The following HDGFL3 variants were observed in gnomAD, a reference collection of about 807,000 sequenced individuals.
HDGFL3 encodes HDGF like 3, also known as hepatoma-derived growth factor-related protein 3.
A neutral mutation model predicts 27.6 loss-of-function variants in HDGFL3; 6 were observed. The ratio of observed to expected loss-of-function variants is 0.22; its 90% CI spans 0.12 to 0.43. The LOEUF (loss-of-function observed/expected upper bound fraction) is 0.43, where lower values mean the gene tolerates loss of function less well. HDGFL3 is among the 20% of genes least tolerant of loss of function. The pLI is 1.00. For synonymous variants in HDGFL3, 88 were observed against 88.9 expected, an observed-to-expected ratio of 0.99 and a Z score of 0.05; for missense variants, 207 against 250.1, an observed-to-expected ratio of 0.83 and a Z score of 1.16.
At chr15:83,190,747 G>C (rs1159342816) in intron 1 of HDGFL3, among the ~76,000 whole-genome samples, 1 of 152,062 alleles carries the variant, frequency 6.6e-6, no homozygotes, top group Non-Finnish European at 1.5e-5. Flanking sequence ...GAGTTTTTCA[G>C]TGAACAAAAG....
At chr15:83,170,519 C>T (rs1044621763) in intron 1 of HDGFL3, among the ~76,000 whole-genome samples, 4 of 152,144 alleles carry the variant, frequency 2.6e-5, no homozygotes, top group African/African-American at 9.7e-5. Context: ...TACCCAAATG[C>T]AGAAGAATGA....
At position 83,112,866 on chromosome 15, in the gene HDGFL3, CAAAAG is replaced by C. The variant is rs765050568; in HGVS notation, c.*2838_*2842del. 1.5e-5 allele frequency: 25 copies of C among 1,614,002 alleles called. No individual in the cohort carries two copies. The South Asian group carries it at 2.2e-4, about 14-fold the overall frequency. On this transcript the variant is annotated 3_prime_UTR_variant, in exon 4 of 4. Coordinates refer to the HDGFL3 transcript ENST00000568294. ...TAGCACTGCTGGCTCGTGTCCTCGT[CAAAAG>C]AAAACCACCCCGGGACCCACTGTTC...
chr15:83,122,756 G>C, downstream of HDGFL3: 1 of 1,613,130 alleles, frequency 6.2e-7, no homozygotes, highest in Non-Finnish European at 8.5e-7. Context: ...CTTTTAAATA[G>C]GGAAGTATGG....
intron 5 of HDGFL3, among the ~76,000 whole-genome samples, chr15:83,145,016 CCTT>C (rs1388250832): frequency 6.6e-6 from 1 of 151,808 alleles, no homozygotes; most frequent in Non-Finnish European, 1.5e-5. Context: ...CTTTCTGTCT[CCTT>C]CTGCTAGTGG....
At chr15:83,119,234 G>A (rs550965327) in intron 3 of HDGFL3, among the ~76,000 whole-genome samples, 5 of 152,210 alleles carry the variant, frequency 3.3e-5, no homozygotes, top group Admixed American at 1.3e-4. Context: ...TCACTGCCAA[G>A]CACCTTGTGT....
intron 2 of HDGFL3, among the ~76,000 whole-genome samples, chr15:83,160,142 G>A (rs537925185): frequency 1.6e-4 from 25 of 152,200 alleles, no homozygotes; most frequent in African/African-American, 5.5e-4. Context: ...TTGATGGGCT[G>A]CATATGGCAT....
chr15:83,174,941 T>C (rs966637457), intron 1 of HDGFL3, among the ~76,000 whole-genome samples: 2 of 152,256 alleles, frequency 1.3e-5, no homozygotes, highest in African/African-American at 2.4e-5. Flanking sequence ...ACAGTGTTTT[T>C]AAACATTTGA....
rs1293600216 is a variant in HDGFL3, at chr15:83,130,337, C to G, written c.*8933G>C. On this transcript the variant is annotated 3_prime_UTR_variant, in exon 6 of 6. Coordinates refer to ENST00000299633, the MANE Select transcript of HDGFL3 (RefSeq NM_016073.4). ...AGCTTGCAGGTGGGCACTTATTACTCCAGCCAAGTGGTTCTGAGAAGGGCA... is the reference window on the plus strand; with the variant it reads ...AGCTTGCAGGTGGGCACTTATTACTGCAGCCAAGTGGTTCTGAGAAGGGCA... 1 of 152,412 alleles carries G rather than the reference C, an allele frequency of 6.6e-6. No homozygotes were observed. The highest frequency in any genetic ancestry group is 2.4e-5 in the African/African-American group (1 of 41,474). The allele number at this position is 152,412 out of a possible 1,614,324, so 9.4% of individuals were successfully genotyped here. A position where few individuals can be genotyped will look rare whatever the true frequency, so the allele number is the denominator to read the frequency against.
chr15:83,146,267 G>A (rs1416515884), intron 5 of HDGFL3, among the ~76,000 whole-genome samples: 3 of 151,980 alleles, frequency 2.0e-5, no homozygotes, highest in Non-Finnish European at 4.4e-5. Flanking sequence ...AAATTATGTA[G>A]GCATTTTAGG....
At chr15:83,117,750 T>C (rs572672965) in intron 3 of HDGFL3, among the ~76,000 whole-genome samples, 2 of 152,156 alleles carry the variant, frequency 1.3e-5, no homozygotes, top group East Asian at 3.9e-4. Context: ...TCCAGCAGGC[T>C]GTGACAAGTT....
intron 2 of HDGFL3, among the ~76,000 whole-genome samples, chr15:83,163,466 A>T (rs536335354): frequency 6.6e-6 from 1 of 152,332 alleles, no homozygotes; most frequent in South Asian, 2.1e-4. Context: ...GAATTATTTC[A>T]AAAGAAAGAA....
chr15:83,187,703 A>G (rs985757687), intron 1 of HDGFL3, among the ~76,000 whole-genome samples: 1 of 151,990 alleles, frequency 6.6e-6, no homozygotes, highest in Admixed American at 6.6e-5. Flanking sequence ...AGCCTGACCA[A>G]CATGGAGAAA....
At chr15:83,146,696 C>T (rs1368515783) in intron 5 of HDGFL3, among the ~76,000 whole-genome samples, 3 of 152,136 alleles carry the variant, frequency 2.0e-5, no homozygotes, top group African/African-American at 7.2e-5. Flanking sequence ...ATTGAATATG[C>T]CTGGAGAAAA....
chr15:83,132,771 G>C lies in HDGFL3; in HGVS notation c.*6499C>G, dbSNP rs576742848. 1 of 152,056 alleles carries C rather than the reference G, an allele frequency of 6.6e-6. No individual in the cohort carries two copies. Among genetic ancestry groups the C allele is most frequent in the Non-Finnish European group, 1.5e-5 (1 of 68,006 alleles). 9.4% of individuals were successfully genotyped at this position (152,056 alleles called of 1,614,324 possible). A position where few individuals can be genotyped will look rare whatever the true frequency, so the allele number is the denominator to read the frequency against. Reference sequence around the variant, plus strand: ...GAAAGTAACAGTTTAGGAAGAACACGGATAGTTGGGATACTAATGCAAATC... The same window carrying C: ...GAAAGTAACAGTTTAGGAAGAACACCGATAGTTGGGATACTAATGCAAATC... On this transcript the variant is annotated 3_prime_UTR_variant, in exon 6 of 6. Transcript: ENST00000299633.
intron 1 of HDGFL3, among the ~76,000 whole-genome samples, chr15:83,171,317 T>C (rs560525799): frequency 1.3e-5 from 2 of 152,038 alleles, no homozygotes; most frequent in Non-Finnish European, 2.9e-5. Flanking sequence ...GTTCAGCCAC[T>C]GTGGAAAGCA....
exon 4 of HDGFL3, chr15:83,113,236 G>A: frequency 2.6e-6 from 1 of 391,704 alleles, no homozygotes; most frequent in Non-Finnish European, 4.8e-6. Context: ...GCTACTAGCA[G>A]TCCCCCCCAC....
In HDGFL3 at chr15:83,136,393, G is replaced by A. The variant is rs968386520; in HGVS notation, c.*2877C>T. 131 of 1,175,592 alleles carry A rather than the reference G, an allele frequency of 1.1e-4. No individual in the cohort carries two copies. The highest frequency in any genetic ancestry group is 1.4e-4 in the Non-Finnish European group (123 of 858,852). 72.8% of individuals were successfully genotyped at this position (1,175,592 alleles called of 1,614,324 possible). A position where few individuals can be genotyped will look rare whatever the true frequency, so the allele number is the denominator to read the frequency against. On this transcript the variant is annotated 3_prime_UTR_variant, in exon 6 of 6. Transcript: ENST00000299633. The stretch of plus-strand genomic sequence containing the variant: ...AGACTGGTTTTGAGGGCACAGAAAC[G>A]TAGCCTGAATGAACCATTCAGAACT...
In HDGFL3 at chr15:83,187,978, G is replaced by GATTGTTGGATCATAGATT. The variant is rs1224194386; in HGVS notation, c.84+19335_84+19352dup. 3.3e-5 allele frequency among the ~76,000 whole-genome samples: 5 copies of GATTGTTGGATCATAGATT among 151,992 alleles called. No individual in the cohort carries two copies. The South Asian group carries it at 1.0e-3, about 32-fold the overall frequency. On this transcript the variant is annotated intron_variant, in intron 1 of 5. Coordinates refer to ENST00000299633, the MANE Select transcript of HDGFL3 (RefSeq NM_016073.4). The stretch of plus-strand genomic sequence containing the variant: ...ATTTACATGGGATAGACTTTGAGGA[G>GATTGTTGGATCATAGATT]ATTGTTGGATCATAGATTAGAGGTA...
At chr15:83,199,228 C>T (rs961349755) in intron 1 of HDGFL3, among the ~76,000 whole-genome samples, 2 of 152,162 alleles carry the variant, frequency 1.3e-5, no homozygotes. Flanking sequence ...CATATGGTAA[C>T]TCTAAAAGCA....
Sources: gnomAD v4.1 joint callset for allele counts (sites outside exome capture counted in the v4.1 genomes callset) on GRCh38, gnomAD v4.1.1 for gene constraint, MANE v1.5 for transcripts, NCBI Gene and HGNC (gene_info 2026-07-23, HGNC 2026-07-21) for gene names.